PRDM16: variants seen among roughly 807,000 people sequenced by gnomAD.
The protein encoded by PRDM16 is PR/SET domain 16.
Under a neutral mutation model 110.6 loss-of-function variants are expected in PRDM16, and 23 were observed. That is an observed-to-expected ratio of 0.21 (90% CI 0.15 to 0.29). The LOEUF (loss-of-function observed/expected upper bound fraction) is 0.29. Ranked by LOEUF, PRDM16 falls within the 10% of genes least tolerant of loss-of-function variation. The pLI is 1.00. For synonymous variants in PRDM16, 799 were observed against 781.8 expected (o/e 1.02, Z -0.37); for missense variants, 1,615 against 1,794.3 (o/e 0.90, Z 1.81).
At chr1:3,120,796 G>A (rs770957859) in intron 1 of PRDM16, among the ~76,000 whole-genome samples, 2 of 152,204 alleles carry the variant, frequency 1.3e-5, no homozygotes, top group Non-Finnish European at 2.9e-5. Context: ...GCAGGGCCGA[G>A]CCCTGGCCAA....
At chr1:3,225,340 A>T (rs1478037947) in intron 2 of PRDM16, among the ~76,000 whole-genome samples, 4 of 152,176 alleles carry the variant, frequency 2.6e-5, no homozygotes, top group Non-Finnish European at 5.9e-5. Flanking sequence ...GACAAACCCA[A>T]ATATTTTGAA....
At chr1:3,419,163 C>G (rs907262488) in intron 12 of PRDM16, among the ~76,000 whole-genome samples, 1 of 152,234 alleles carries the variant, frequency 6.6e-6, no homozygotes, top group East Asian at 1.9e-4. Context: ...CCCACACCCC[C>G]ACTTCTGGTG....
At chr1:3,406,548 A>G (rs1020918595) in intron 8 of PRDM16, among the ~76,000 whole-genome samples, 1 of 151,798 alleles carries the variant, frequency 6.6e-6, no homozygotes, top group African/African-American at 2.4e-5. Flanking sequence ...TGAGCAATGT[A>G]GCAAGACACC....
In PRDM16 at chr1:3,290,309, A is replaced by G. The variant is rs961502185; in HGVS notation, c.438+46172A>G. On this transcript the variant is annotated intron_variant, in intron 3 of 16. Coordinates refer to ENST00000270722, the MANE Select transcript of PRDM16 (RefSeq NM_022114.4). This position sits in a 1 kb window ranked among gnomAD's most constrained non-coding sequence, Gnocchi z 4.8. ...CAGCCCACAGGGCTCAGGGGTCCTC[A>G]GAGGTGTCGCCCCTTCCATGCTCAA... 6.6e-6 allele frequency among the ~76,000 whole-genome samples: 1 copy of G among 152,144 alleles called. No individual in the cohort carries two copies. Among genetic ancestry groups the G allele is most frequent in the Admixed American group, 6.5e-5 (1 of 15,278 alleles).
chr1:3,279,882 C>G (rs1197736589), intron 3 of PRDM16, among the ~76,000 whole-genome samples: 1 of 151,992 alleles, frequency 6.6e-6, no homozygotes, highest in Non-Finnish European at 1.5e-5. Flanking sequence ...CCCACCCCCC[C>G]CGGGCACCCA....
intron 1 of PRDM16, among the ~76,000 whole-genome samples, chr1:3,074,168 A>C (rs1641836808): frequency 6.6e-6 from 1 of 152,136 alleles, no homozygotes; most frequent in South Asian, 2.1e-4. Context: ...TCCCTAGTGC[A>C]CTTGGGGGAC....
At position 3,208,326 on chromosome 1, in the gene PRDM16, G is replaced by C. The variant is rs1638800142; in HGVS notation, c.387+21852G>C. The C allele has an allele frequency of 6.6e-6, 1 of 152,182 alleles. No homozygotes were observed. Among genetic ancestry groups the C allele is most frequent in the Admixed American group, 6.5e-5 (1 of 15,280 alleles). The allele number at this position is 152,182 out of a possible 1,614,324, so 9.4% of individuals were successfully genotyped here. A position where few individuals can be genotyped will look rare whatever the true frequency, so the allele number is the denominator to read the frequency against. On this transcript the variant is annotated intron_variant, in intron 2 of 16. Coordinates refer to ENST00000270722, the MANE Select transcript of PRDM16 (RefSeq NM_022114.4). This position sits in a 1 kb window ranked among gnomAD's most constrained non-coding sequence, Gnocchi z 6.1. ...AGCGATTCTCTGGCCCTGCACTGTAGGGTGTTTAGTGTGCCCGAGGCCACC... is the reference window on the plus strand; with the variant it reads ...AGCGATTCTCTGGCCCTGCACTGTACGGTGTTTAGTGTGCCCGAGGCCACC...
At chr1:3,184,093 G>A (rs1400310871) in intron 1 of PRDM16, among the ~76,000 whole-genome samples, 1 of 152,056 alleles carries the variant, frequency 6.6e-6, no homozygotes, top group African/African-American at 2.4e-5. Flanking sequence ...CTTTAGGGGG[G>A]AGGAACAGCA....
intron 1 of PRDM16, among the ~76,000 whole-genome samples, chr1:3,079,404 C>CTTCGGGG (rs5772093): frequency 0.86 from 130,786 of 151,586 alleles, 57,575 homozygotes; most frequent in East Asian, 0.98. Flanking sequence ...CACAGGGATC[C>CTTCGGGG]TGCGGTTGCA....
intron 2 of PRDM16, among the ~76,000 whole-genome samples, chr1:3,198,865 T>C (rs1030263374): frequency 3.9e-5 from 6 of 152,178 alleles, no homozygotes; most frequent in Middle Eastern, 3.2e-3. Flanking sequence ...CAAAAATACC[T>C]ACGTCCACTC....
At chr1:3,333,651 G>A (rs932083454) in intron 3 of PRDM16, among the ~76,000 whole-genome samples, 4 of 152,178 alleles carry the variant, frequency 2.6e-5, no homozygotes, top group African/African-American at 9.7e-5. Context: ...AGATGTGGTG[G>A]TGGGGTTTGG....
In PRDM16 at chr1:3,300,214, A is replaced by T. The variant is rs56046150; in HGVS notation, c.438+56077A>T. On this transcript the variant is annotated intron_variant, in intron 3 of 16. Coordinates refer to ENST00000270722, the MANE Select transcript of PRDM16 (RefSeq NM_022114.4). ...CTTGTTGAAGATGCTATGCTGTGGCAGTGATGTTTCCGATCCCAGTCGTGG... is the reference window on the plus strand; with the variant it reads ...CTTGTTGAAGATGCTATGCTGTGGCTGTGATGTTTCCGATCCCAGTCGTGG... 4.6e-4 allele frequency among the ~76,000 whole-genome samples: 19 copies of T among 41,130 alleles called. 4 individuals carry two copies. Among genetic ancestry groups the T allele is most frequent in the African/African-American group, 1.1e-3 (15 of 13,798 alleles). The allele number at this position is 41,130 out of a possible 152,430, so 27.0% of individuals were successfully genotyped here. A position where few individuals can be genotyped will look rare whatever the true frequency, so the allele number is the denominator to read the frequency against.
chr1:3,388,215 C>T (rs145468171), intron 4 of PRDM16, among the ~76,000 whole-genome samples: 24 of 152,302 alleles, frequency 1.6e-4, no homozygotes, highest in African/African-American at 4.3e-4. Context: ...CTGGTACTTA[C>T]GAACACCATC....
Position 3,339,609 on chromosome 1 carries a change from C to T in PRDM16, c.439-45543C>T, listed in dbSNP as rs541721741. 3.0e-4 allele frequency among the ~76,000 whole-genome samples: 45 copies of T among 152,126 alleles called. No individual in the cohort carries two copies. The highest frequency in any genetic ancestry group is 2.8e-3 in the Admixed American group (43 of 15,276). On this transcript the variant is annotated intron_variant, in intron 3 of 16. Transcript: ENST00000270722. This position sits in a 1 kb window ranked among gnomAD's most constrained non-coding sequence, Gnocchi z 5.0. ...TGCGGAGCGACCATTGCCTTGGTCT[C>T]GCTCACACCTCCCACCTTGCTCGTG...
At chr1:3,283,080 G>A (rs909598374) in intron 3 of PRDM16, among the ~76,000 whole-genome samples, 12 of 152,226 alleles carry the variant, frequency 7.9e-5, no homozygotes, top group East Asian at 3.9e-4. Context: ...GAGCAGGTGC[G>A]GGGTGCGTCT....
Position 3,206,278 on chromosome 1 carries a change from G to A in PRDM16, c.387+19804G>A, listed in dbSNP as rs535184116. The A allele has an allele frequency of 6.6e-6, 1 of 152,414 alleles. No homozygotes were observed. Among genetic ancestry groups the A allele is most frequent in the African/African-American group, 2.4e-5 (1 of 41,576 alleles). The allele number at this position is 152,414 out of a possible 1,614,324, so 9.4% of individuals were successfully genotyped here. On this transcript the variant is annotated intron_variant, in intron 2 of 16. Transcript: ENST00000270722. The surrounding 1 kb of genome is among the most constrained non-coding windows in gnomAD (Gnocchi z 4.9). ...ACCACCCACAGAGGGCCCTTTCCCA[G>A]AGAGACCACCAGTGGGCCTGGACCC...
At chr1:3,166,408 A>G (rs766276841) in intron 1 of PRDM16, among the ~76,000 whole-genome samples, 5 of 152,222 alleles carry the variant, frequency 3.3e-5, no homozygotes, top group Non-Finnish European at 7.3e-5. Flanking sequence ...CAATTCTAGC[A>G]AGGAGAGCCA....
At chr1:3,117,983 T>C (rs1213036873) in intron 1 of PRDM16, among the ~76,000 whole-genome samples, 1 of 152,054 alleles carries the variant, frequency 6.6e-6, no homozygotes, top group Non-Finnish European at 1.5e-5. Flanking sequence ...GCTGTGTGTG[T>C]GTACATGCAC....
At chr1:3,211,660 G>A (rs981666523) in intron 2 of PRDM16, among the ~76,000 whole-genome samples, 1 of 152,240 alleles carries the variant, frequency 6.6e-6, no homozygotes, top group Non-Finnish European at 1.5e-5. Context: ...GCCGGCGCTG[G>A]TGGTCAGTGC....
Sources: allele counts gnomAD v4.1 joint callset (sites outside exome capture counted in the v4.1 genomes callset), GRCh38; gene constraint gnomAD v4.1.1; non-coding constraint Gnocchi (gnomAD v3.1); transcripts MANE v1.5; gene names NCBI Gene and HGNC (gene_info 2026-07-23, HGNC 2026-07-21).